The following HSD17B14 variants were observed in gnomAD, a reference collection of about 807,000 sequenced individuals.
HSD17B14 encodes the protein hydroxysteroid 17-beta dehydrogenase 14, also known as L-fucose dehydrogenase.
Under a neutral mutation model 32.2 loss-of-function variants are expected in HSD17B14, and 32 were observed. The ratio of observed to expected loss-of-function variants is 0.99; its 90% CI spans 0.75 to 1.33. HSD17B14 has a LOEUF of 1.33. HSD17B14 is among the 40% of genes most tolerant of loss of function. The pLI is 0.00. For missense variants in HSD17B14, 370 were observed against 366.5 expected, an observed-to-expected ratio of 1.01 and a Z score of -0.08; for synonymous variants, 140 against 155.4, an observed-to-expected ratio of 0.90 and a Z score of 0.74.
At chr19:48,813,825 G>C in intron 6 of HSD17B14, 95 bp from the exon 7 acceptor site, 1 of 1,361,560 alleles carries the variant, frequency 7.3e-7, no homozygotes, top group South Asian at 1.2e-5. Flanking sequence ...CATCAGAATG[G>C]GGAAGTCATG....
intron 4 of HSD17B14, 130 bp downstream of exon 4, chr19:48,832,536 T>C: frequency 1.2e-6 from 1 of 812,642 alleles, no homozygotes; most frequent in Non-Finnish European, 2.1e-6. Flanking sequence ...TTTACTCTCC[T>C]GTCCAAGTGG....
At chr19:48,828,715 A>G (rs1404895753) in intron 5 of HSD17B14, among the ~76,000 whole-genome samples, 5 of 152,042 alleles carry the variant, frequency 3.3e-5, no homozygotes, top group Non-Finnish European at 5.9e-5. Flanking sequence ...GAATCACTTG[A>G]GCCCAAGAGT....
intron 5 of HSD17B14, among the ~76,000 whole-genome samples, chr19:48,829,656 T>TTTG (rs2035304691): frequency 2.7e-5 from 4 of 145,612 alleles, no homozygotes; most frequent in South Asian, 2.2e-4. Context: ...TTTTTTTTTT[T>TTTG]TGTGAGACGG....
At position 48,813,250 on chromosome 19, in the gene HSD17B14, C is replaced by G. The variant is rs780594682; in HGVS notation, c.738G>C (p.Thr246=). ...ACCCGTACCCCAGCTCTGCACCCCC[C>G]GTCACGAGCAGTTCAATGCCCGTGC... ...NFCTGIELLV[T]GGAELGYGCK... is the part of the protein sequence containing the mutation. The change falls in exon 9 of 9, where the codon ACG becomes ACC. Residue 246 remains threonine (T), a synonymous_variant. Transcript: ENST00000263278. The G allele has an allele frequency of 6.2e-7, 1 of 1,609,122 alleles. No homozygotes were observed. Among genetic ancestry groups the G allele is most frequent in the Non-Finnish European group, 8.5e-7 (1 of 1,177,956 alleles).
At chr19:48,830,474 T>G (rs1161891139) in intron 5 of HSD17B14, among the ~76,000 whole-genome samples, 1 of 150,424 alleles carries the variant, frequency 6.6e-6, no homozygotes, top group Non-Finnish European at 1.5e-5. Context: ...GACTCCCCCC[T>G]CCCCTTTCTA....
intron 2 of HSD17B14, among the ~76,000 whole-genome samples, chr19:48,835,479 G>T (rs1369119956): frequency 6.8e-6 from 1 of 146,132 alleles, no homozygotes; most frequent in Admixed American, 6.8e-5. Flanking sequence ...GGGAAGAGGG[G>T]CTGGGAGCCT....
intron 5 of HSD17B14, among the ~76,000 whole-genome samples, chr19:48,829,657 T>TTTTTTTTTTA: frequency 8.2e-6 from 1 of 121,834 alleles, no homozygotes. Context: ...TTTTTTTTTT[T>TTTTTTTTTTA]GTGAGACGGA....
Position 48,813,231 on chromosome 19 carries a change from AC to A in HSD17B14, c.756del (p.Tyr253ThrfsTer30). The A allele has an allele frequency of 1.2e-6, 2 of 1,611,208 alleles. No homozygotes were observed. Among genetic ancestry groups the A allele is most frequent in the Non-Finnish European group, 1.7e-6 (2 of 1,179,042 alleles). ...ELLVTGGAEL[G>X]YGCKASRSTP... is the part of the protein sequence containing the mutation. Reference sequence around the variant, plus strand: ...GTGCTCCGACTGGCCTTGCACCCGTACCCCAGCTCTGCACCCCCCGTCACGA... The same window carrying A: ...GTGCTCCGACTGGCCTTGCACCCGTACCCAGCTCTGCACCCCCCGTCACGA... On this transcript the variant is annotated frameshift_variant, in exon 9 of 9. Transcript: ENST00000263278. LOFTEE classifies it low-confidence loss of function (END_TRUNC).
chr19:48,813,405 C>T (rs1489283975), intron 8 of HSD17B14, 51 bp downstream of exon 8: 1 of 1,559,572 alleles, frequency 6.4e-7, no homozygotes, highest in Non-Finnish European at 8.7e-7. Flanking sequence ...ATCGCCATGC[C>T]CCCCACCCCC....
rs375502916 is a variant in HSD17B14, at chr19:48,820,728, C to T, written c.370-5587G>A. Among the ~76,000 whole-genome samples the T allele has an allele frequency of 6.3e-4, 96 of 151,310 alleles. No individual in the cohort carries two copies. The East Asian group carries it at 0.017, about 26-fold the overall frequency. On this transcript the variant is annotated intron_variant, in intron 5 of 8. Coordinates refer to ENST00000263278, the MANE Select transcript of HSD17B14 (RefSeq NM_016246.3). ...TAGTATAGACAGGGTTTCGGCCGGGCGCAGTGGCTCACATCTGTAATCCCA... is the reference window on the plus strand; with the variant it reads ...TAGTATAGACAGGGTTTCGGCCGGGTGCAGTGGCTCACATCTGTAATCCCA...
At chr19:48,826,542 T>TATATATATATATATATATACAC in intron 5 of HSD17B14, among the ~76,000 whole-genome samples, 41 of 80,086 alleles carry the variant, frequency 5.1e-4, no homozygotes, top group Non-Finnish European at 6.6e-4. Context: ...TATATATATA[T>TATATATATATATATATATACAC]ACACACACAC....
At chr19:48,814,958 G>T in intron 6 of HSD17B14, 79 bp downstream of exon 6, 1 of 1,049,196 alleles carries the variant, frequency 9.5e-7, no homozygotes, top group Non-Finnish European at 1.5e-6. Context: ...GCTAGGTCTG[G>T]CTCCTAAGTT....
intron 3 of HSD17B14, among the ~76,000 whole-genome samples, 171 bp downstream of exon 3, chr19:48,834,105 C>T (rs1423675134): frequency 6.6e-6 from 1 of 152,210 alleles, no homozygotes; most frequent in Non-Finnish European, 1.5e-5. Context: ...ACCTGCCCAT[C>T]AGTCACAGAA....
intron 2 of HSD17B14, among the ~76,000 whole-genome samples, chr19:48,835,523 A>G (rs1222421726): frequency 1.9e-5 from 2 of 104,138 alleles, no homozygotes; most frequent in East Asian, 2.9e-4. Flanking sequence ...GGGGTTGGGG[A>G]CTTGGATTCC....
intron 5 of HSD17B14, among the ~76,000 whole-genome samples, chr19:48,828,861 A>C (rs1599840055): frequency 6.6e-6 from 1 of 151,812 alleles, no homozygotes; most frequent in Non-Finnish European, 1.5e-5. Flanking sequence ...GGAGTTCAAG[A>C]CCAGCCTGGC....
chr19:48,813,607 A>G (rs1195882435), intron 7 of HSD17B14, 55 bp from the exon 8 acceptor site: 5 of 1,611,092 alleles, frequency 3.1e-6, no homozygotes, highest in Non-Finnish European at 4.2e-6. Context: ...ACTTGGGATC[A>G]CTCCCAGTCA....
Position 48,819,241 on chromosome 19 carries a change from G to A in HSD17B14, c.370-4100C>T, listed in dbSNP as rs538223757. ...TGACCTCAGGCAACCTGCCCACCTC[G>A]GCCTCCCAAAGTGCTGGGATTACAG... is the stretch of plus-strand genomic sequence containing the variant. On this transcript the variant is annotated intron_variant, in intron 5 of 8. Coordinates refer to ENST00000263278, the MANE Select transcript of HSD17B14 (RefSeq NM_016246.3). 3.7e-4 allele frequency among the ~76,000 whole-genome samples: 57 copies of A among 152,044 alleles called. 1 individual carries two copies. Among genetic ancestry groups the A allele is most frequent in the African/African-American group, 1.2e-3 (48 of 41,474 alleles).
intron 6 of HSD17B14, 71 bp downstream of exon 6, chr19:48,814,966 G>T: frequency 8.4e-7 from 1 of 1,195,998 alleles, no homozygotes; most frequent in Non-Finnish European, 1.2e-6. Context: ...TGGCTCCTAA[G>T]TTGTCTGGAC....
At chr19:48,813,616 C>T (rs1421714409) in intron 7 of HSD17B14, 47 bp downstream of exon 7, 1 of 1,611,714 alleles carries the variant, frequency 6.2e-7, no homozygotes, top group South Asian at 1.1e-5. Flanking sequence ...CACTCCCAGT[C>T]ACCCCAGTCC....
Sources: gnomAD v4.1 joint callset for allele counts (sites outside exome capture counted in the v4.1 genomes callset) on GRCh38, gnomAD v4.1.1 for gene constraint, MANE v1.5 for transcripts, NCBI Gene and HGNC (gene_info 2026-07-23, HGNC 2026-07-21) for gene names.